Variants in UBE2Z observed in about 807,000 individuals in gnomAD.
UBE2Z encodes ubiquitin-conjugating enzyme E2 Z.
A neutral mutation model predicts 32.6 loss-of-function variants in UBE2Z; 10 were observed. The observed-to-expected ratio is 0.31, with a 90% confidence interval of 0.19 to 0.52. UBE2Z has a LOEUF of 0.52. Among genes scored for constraint, UBE2Z ranks in the 20% least tolerant of loss-of-function variants. The probability of loss-of-function intolerance (pLI) is 0.97; values close to 1 mark genes in which losing one functional copy is unlikely to be tolerated. For synonymous variants in UBE2Z, 183 were observed against 190.8 expected (o/e 0.96, Z 0.34); for missense variants, 343 against 480.9 (o/e 0.71, Z 2.68).
intron 4 of UBE2Z, among the ~76,000 whole-genome samples, chr17:48,918,969 A>C (rs1029404761): frequency 3.3e-5 from 5 of 152,000 alleles, no homozygotes; most frequent in Non-Finnish European, 5.9e-5. Context: ...CTTGTCTTGA[A>C]CATATGGCCT....
chr17:48,913,095 A>C (rs2040692024), intron 3 of UBE2Z, 74 bp downstream of exon 3: 11 of 1,458,466 alleles, frequency 7.5e-6, no homozygotes, highest in Admixed American at 2.0e-5. Context: ...TATCAACCGG[A>C]GTCCCTCATC....
chr17:48,921,856 C>A (rs2040761377), intron 5 of UBE2Z, among the ~76,000 whole-genome samples: 1 of 151,740 alleles, frequency 6.6e-6, no homozygotes, highest in Non-Finnish European at 1.5e-5. Context: ...CAGGGAGACC[C>A]CATCTCTACA....
chr17:48,921,914 G>A (rs935148673), intron 5 of UBE2Z, among the ~76,000 whole-genome samples: 2 of 152,182 alleles, frequency 1.3e-5, no homozygotes, highest in Non-Finnish European at 2.9e-5. Context: ...TGCAGTCACA[G>A]CCAGTCAGGA....
Position 48,912,897 on chromosome 17 carries a change from T to C in UBE2Z, c.454T>C (p.Phe152Leu). The C allele has an allele frequency of 6.2e-7, 1 of 1,613,900 alleles. No homozygotes were observed. Among genetic ancestry groups the C allele is most frequent in the South Asian group, 1.1e-5 (1 of 91,058 alleles). Residue 152 changes from phenylalanine to leucine, a missense_variant, in exon 3 of 7, where the codon TTT becomes CTT. Coordinates refer to ENST00000360943, the MANE Select transcript of UBE2Z (RefSeq NM_023079.5). The stretch of plus-strand genomic sequence containing the variant: ...TGAAGGGGGTTTCTTCCTGTTCGTG[T>C]TTCGGTGTCCGCCCGACTATCCCAT... ...PYEGGFFLFVFRCPPDYPIHP... is the reference protein window; with the variant it reads ...PYEGGFFLFVLRCPPDYPIHP...
intron 2 of UBE2Z, chr17:48,912,054 AT>A (rs34211200): frequency 0.38 from 50,645 of 131,646 alleles, 9,694 homozygotes; most frequent in Admixed American, 0.46. Context: ...AGGACGGCTG[AT>A]TTTTTTTTTT....
At chr17:48,917,661 T>A (rs139791176) in intron 4 of UBE2Z, among the ~76,000 whole-genome samples, 2 of 152,318 alleles carry the variant, frequency 1.3e-5, no homozygotes, top group East Asian at 3.9e-4. Context: ...TGCTGGACAC[T>A]ACCAAGTTTT....
intron 4 of UBE2Z, among the ~76,000 whole-genome samples, chr17:48,918,325 C>T (rs1433524462): frequency 6.6e-6 from 1 of 152,056 alleles, no homozygotes; most frequent in East Asian, 1.9e-4. Flanking sequence ...AAATGCCTTT[C>T]AAAAATGAAA....
chr17:48,909,396 A>C (rs1025150106), intron 1 of UBE2Z, among the ~76,000 whole-genome samples: 7 of 151,728 alleles, frequency 4.6e-5, no homozygotes, highest in African/African-American at 7.3e-5. Flanking sequence ...CCCTCGCCCC[A>C]ATCTTTCCTT....
chr17:48,924,845 CAAAAA>C (rs5820735), intron 6 of UBE2Z, among the ~76,000 whole-genome samples: 1 of 85,752 alleles, frequency 1.2e-5, no homozygotes, highest in Admixed American at 1.5e-4. Flanking sequence ...GATTCTGTCT[CAAAAA>C]AAAAAAAAAA....
At position 48,922,857 on chromosome 17, in the gene UBE2Z, G is replaced by A. The variant is rs769736762; in HGVS notation, c.814G>A (p.Glu272Lys). ...PCPEPLRGVM[E>K]KSFLEYYDFY... ...CTGCTTGTTTTCCAGAGGGGTGATG[G>A]AGAAGTCCTTTCTGGAGTATTACGA... Residue 272 changes from glutamate to lysine, a missense_variant, in exon 6 of 7, where the codon GAG (glutamate) becomes AAG (lysine). This residue lies in a region of UBE2Z where 182 missense variants were observed against 312.4 expected (regional missense o/e 0.58). Coordinates refer to ENST00000360943, the MANE Select transcript of UBE2Z (RefSeq NM_023079.5). 2 of 1,611,832 alleles carry A rather than the reference G, an allele frequency of 1.2e-6. No individual in the cohort carries two copies. The highest frequency in any genetic ancestry group is 1.7e-5 in the Admixed American group (1 of 59,946).
intron 4 of UBE2Z, among the ~76,000 whole-genome samples, chr17:48,917,683 T>C (rs2040730321): frequency 6.6e-6 from 1 of 152,212 alleles, no homozygotes; most frequent in African/African-American, 2.4e-5. Flanking sequence ...ATATATAATT[T>C]CTTGTTTAAC....
intron 4 of UBE2Z, among the ~76,000 whole-genome samples, chr17:48,919,472 A>C (rs2040744153): frequency 6.6e-6 from 1 of 152,114 alleles, no homozygotes; most frequent in African/African-American, 2.4e-5. Context: ...TGATAGATTT[A>C]TTTCTAATTG....
intron 2 of UBE2Z, chr17:48,912,457 AT>A (rs2040687163): frequency 5.7e-6 from 1 of 176,918 alleles, no homozygotes; most frequent in Non-Finnish European, 1.2e-5. Flanking sequence ...AGCATATTAT[AT>A]TTTTCCACAG....
chr17:48,921,942 T>C (rs1271809169), intron 5 of UBE2Z, among the ~76,000 whole-genome samples: 3 of 151,768 alleles, frequency 2.0e-5, no homozygotes. Context: ...GTGGGAGGAT[T>C]GCTTGAGCCT....
rs2040805260 is a variant in UBE2Z, at chr17:48,927,359, C to T, written c.*225C>T. On this transcript the variant is annotated 3_prime_UTR_variant, in exon 7 of 7. Coordinates refer to ENST00000360943, the MANE Select transcript of UBE2Z (RefSeq NM_023079.5). Reference sequence around the variant, plus strand: ...CTGGGGCTTCGTTCATCCATTCATCCCGTATCAGGGGCCAAGGTACCTTTA... The same window carrying T: ...CTGGGGCTTCGTTCATCCATTCATCTCGTATCAGGGGCCAAGGTACCTTTA... The T allele has an allele frequency of 5.5e-6, 3 of 540,580 alleles. No individual in the cohort carries two copies. In the South Asian group the frequency reaches 7.4e-5, roughly 13 times the overall value. The allele number at this position is 540,580 out of a possible 1,614,324, so 33.5% of individuals were successfully genotyped here. A position where few individuals can be genotyped will look rare whatever the true frequency, so the allele number is the denominator to read the frequency against.
chr17:48,908,842 C>G, intron 1 of UBE2Z, 22 bp downstream of exon 1: 7 of 1,471,994 alleles, frequency 4.8e-6, no homozygotes, highest in Non-Finnish European at 6.3e-6. Context: ...TTTTTCCTCC[C>G]CCAGCCCCGA....
At chr17:48,924,080 C>T (rs1264680078) in intron 6 of UBE2Z, among the ~76,000 whole-genome samples, 1 of 152,184 alleles carries the variant, frequency 6.6e-6, no homozygotes, top group African/African-American at 2.4e-5. Flanking sequence ...TAGTCTTGAA[C>T]TCCTCACCTC....
At chr17:48,923,320 C>CAAAAA (rs56100763) in intron 6 of UBE2Z, among the ~76,000 whole-genome samples, 3 of 102,050 alleles carry the variant, frequency 2.9e-5, no homozygotes, top group African/African-American at 1.7e-4. Context: ...GACTCTGTCT[C>CAAAAA]AAAAAAAAAA....
intron 4 of UBE2Z, among the ~76,000 whole-genome samples, chr17:48,920,811 T>C (rs895625470): frequency 6.6e-6 from 1 of 152,152 alleles, no homozygotes; most frequent in African/African-American, 2.4e-5. Context: ...ACTATTAGTT[T>C]ATGCCACCAG....
Sources: gnomAD v4.1 joint callset for allele counts (sites outside exome capture counted in the v4.1 genomes callset) on GRCh38, gnomAD v4.1.1 for gene constraint, gnomAD v4.1.1 regional missense constraint, MANE v1.5 for transcripts, NCBI Gene and HGNC (gene_info 2026-07-23, HGNC 2026-07-21) for gene names.